The following PPP1R1C variants were observed in gnomAD, a reference collection of about 807,000 sequenced individuals.
PPP1R1C encodes the protein protein phosphatase 1 regulatory inhibitor subunit 1C.
PPP1R1C carries 15 observed loss-of-function variants against 17.4 expected under a neutral mutation model. The observed-to-expected ratio is 0.86, with a 90% CI of 0.58 to 1.33. The LOEUF is 1.33. Among genes scored for constraint, PPP1R1C ranks in the 40% most tolerant of loss-of-function variants. The probability of loss-of-function intolerance (pLI) is 0.00; values close to 1 mark genes in which losing one functional copy is unlikely to be tolerated. For synonymous variants in PPP1R1C, 35 were observed against 43.1 expected (o/e 0.81, Z 0.73); for missense variants, 143 against 130.0 (o/e 1.10, Z -0.48).
intron 4 of PPP1R1C, among the ~76,000 whole-genome samples, chr2:182,092,600 G>A (rs1430011491): frequency 7.9e-5 from 12 of 152,260 alleles, no homozygotes; most frequent in Non-Finnish European, 1.3e-4. Context: ...AAAATCAAAA[G>A]CAAATTATAT....
chr2:182,014,370 T>C (rs1273499326), intron 2 of PPP1R1C, among the ~76,000 whole-genome samples: 2 of 152,178 alleles, frequency 1.3e-5, no homozygotes, highest in African/African-American at 2.4e-5. Context: ...GCTCTTGTTA[T>C]CTTTCATTAC....
chr2:182,049,398 G>A (rs1310384770), intron 2 of PPP1R1C, among the ~76,000 whole-genome samples: 26 of 150,292 alleles, frequency 1.7e-4, no homozygotes, highest in South Asian at 1.5e-3. Flanking sequence ...GTTTTTCTCC[G>A]TTGCTACTTC....
intron 1 of PPP1R1C, among the ~76,000 whole-genome samples, chr2:181,965,464 T>C (rs953320561): frequency 3.9e-5 from 6 of 152,248 alleles, no homozygotes; most frequent in African/African-American, 9.6e-5. Context: ...CATTTTGATT[T>C]GATTTTTGTA....
rs1165789924 is a variant in PPP1R1C at position 182,076,197 on chromosome 2, C to CTTTTTTTTTTTTTTTTT, written c.241+12431_241+12447dup. Among the ~76,000 whole-genome samples the CTTTTTTTTTTTTTTTTT allele has an allele frequency of 1.6e-3, 42 of 25,862 alleles. 11 individuals are homozygous for CTTTTTTTTTTTTTTTTT. Among genetic ancestry groups the CTTTTTTTTTTTTTTTTT allele is most frequent in the East Asian group, 3.0e-3 (2 of 676 alleles). 17.0% of individuals were successfully genotyped at this position (25,862 alleles called of 152,430 possible). On this transcript the variant is annotated intron_variant, in intron 4 of 4. Coordinates refer to ENST00000682840, the MANE Select transcript of PPP1R1C (RefSeq NM_001080545.3). The stretch of plus-strand genomic sequence containing the variant: ...GATTTTGAACTTTTTTTTTTCTTTT[C>CTTTTTTTTTTTTTTTTT]TTTTTTTTTTTTTTTTTTTTTTTTT...
intron 2 of PPP1R1C, among the ~76,000 whole-genome samples, chr2:182,050,956 G>A (rs1687496357): frequency 1.3e-5 from 2 of 152,104 alleles, no homozygotes; most frequent in South Asian, 4.1e-4. Flanking sequence ...TTTAAAAAGA[G>A]AATCAAACAC....
chr2:182,071,293 G>A (rs1383281953), intron 4 of PPP1R1C, among the ~76,000 whole-genome samples: 4 of 152,058 alleles, frequency 2.6e-5, no homozygotes, highest in African/African-American at 9.7e-5. Context: ...GACCTTAAAC[G>A]TTTTGAGGAA....
intron 2 of PPP1R1C, among the ~76,000 whole-genome samples, chr2:181,978,860 G>T (rs183068966): frequency 2.4e-4 from 37 of 152,022 alleles, no homozygotes; most frequent in African/African-American, 7.7e-4. Context: ...TTCCATTTTT[G>T]CAAAAATAGA....
At position 181,985,954 on chromosome 2, in the gene PPP1R1C, C is replaced by T. The variant is rs145023264; in HGVS notation, c.-157C>T. On this transcript the variant is annotated 5_prime_UTR_variant, in exon 1 of 5. Transcript: ENST00000682840. The surrounding 1 kb of genome is among the most constrained non-coding windows in gnomAD (Gnocchi z 4.1). Reference sequence around the variant, plus strand: ...TGTTGAAGAAGGGGGTTACTCAAACCTCGGCATCTTCACTTGCTCGATCTG... The same window carrying T: ...TGTTGAAGAAGGGGGTTACTCAAACTTCGGCATCTTCACTTGCTCGATCTG... 187 of 647,332 alleles carry T rather than the reference C, an allele frequency of 2.9e-4. 1 individual carries two copies. The East Asian group carries it at 4.1e-3, about 14-fold the overall frequency. The allele number at this position is 647,332 out of a possible 1,614,324, so 40.1% of individuals were successfully genotyped here.
rs1292504487 is a variant in PPP1R1C, at chr2:181,961,902, A to C, written n.111+7268A>C. The C allele has an allele frequency of 5.3e-6, 4 of 758,342 alleles. No individual in the cohort carries two copies. The African/African-American group carries it at 6.8e-5, about 13-fold the overall frequency. 47.0% of individuals were successfully genotyped at this position (758,342 alleles called of 1,614,324 possible). A position where few individuals can be genotyped will look rare whatever the true frequency, so the allele number is the denominator to read the frequency against. On this transcript the variant is annotated intron_variant and non_coding_transcript_variant, in intron 1 of 5. Coordinates refer to the PPP1R1C transcript ENST00000464264. This position sits in a 1 kb window ranked among gnomAD's most constrained non-coding sequence, Gnocchi z 5.8. ...CTGTCTCCAGTGGCAGCCAAGTGAC[A>C]TTGGTCATCAGTGACCTTGTGGAGC...
intron 2 of PPP1R1C, among the ~76,000 whole-genome samples, chr2:182,055,089 T>A (rs934803469): frequency 2.0e-5 from 3 of 151,958 alleles, no homozygotes; most frequent in Non-Finnish European, 4.4e-5. Context: ...TTTTTTTTTA[T>A]CTTTGCCTAG....
intron 4 of PPP1R1C, among the ~76,000 whole-genome samples, chr2:182,096,140 C>T (rs1291282289): frequency 6.6e-6 from 1 of 152,080 alleles, no homozygotes; most frequent in East Asian, 1.9e-4. Context: ...TATTTTTATG[C>T]TGTCTGATGA....
intron 4 of PPP1R1C, among the ~76,000 whole-genome samples, chr2:182,076,000 G>C (rs965324865): frequency 5.3e-5 from 8 of 151,618 alleles, no homozygotes; most frequent in Admixed American, 1.3e-4. Context: ...TAGTTTAAAT[G>C]CTTTTTTTAG....
At chr2:181,980,075 A>G (rs1685166295) in intron 2 of PPP1R1C, among the ~76,000 whole-genome samples, 2 of 152,026 alleles carry the variant, frequency 1.3e-5, no homozygotes, top group Non-Finnish European at 2.9e-5. Flanking sequence ...TCTTCTCTCA[A>G]CTGTATGTTC....
intron 2 of PPP1R1C, among the ~76,000 whole-genome samples, chr2:182,008,449 A>G (rs546661122): frequency 3.3e-5 from 5 of 152,334 alleles, no homozygotes; most frequent in South Asian, 2.1e-4. Flanking sequence ...ATGTGGGTTT[A>G]TATCTCAGTT....
rs148677368 is a variant in PPP1R1C at position 182,082,455 on chromosome 2, C to T, written c.241+18664C>T. Among the ~76,000 whole-genome samples, 18 of 152,104 alleles carry T rather than the reference C, an allele frequency of 1.2e-4. 1 individual carries two copies. In the East Asian group the frequency reaches 3.3e-3, roughly 28 times the overall value. ...GCATAAAATCAAGGGTGGAAAGTTA[C>T]CCTGAAGGTCAAACGGACAAGGTTT... On this transcript the variant is annotated intron_variant, in intron 4 of 4. Coordinates refer to ENST00000682840, the MANE Select transcript of PPP1R1C (RefSeq NM_001080545.3).
At chr2:182,080,166 T>C (rs1273300276) in intron 4 of PPP1R1C, among the ~76,000 whole-genome samples, 1 of 152,222 alleles carries the variant, frequency 6.6e-6, no homozygotes, top group African/African-American at 2.4e-5. Flanking sequence ...TAAAATGCCA[T>C]GCATAGTTCA....
At chr2:182,016,228 T>C (rs1344539911) in intron 2 of PPP1R1C, among the ~76,000 whole-genome samples, 1 of 152,180 alleles carries the variant, frequency 6.6e-6, no homozygotes, top group Non-Finnish European at 1.5e-5. Context: ...CTCCCCACCA[T>C]GTGGTCACTG....
chr2:181,968,953 AAAAC>A (rs1464107398), intron 1 of PPP1R1C, among the ~76,000 whole-genome samples: 5 of 152,182 alleles, frequency 3.3e-5, no homozygotes, highest in African/African-American at 9.6e-5. Context: ...AATGATTACA[AAAAC>A]AAACAAGCAA....
intron 2 of PPP1R1C, among the ~76,000 whole-genome samples, chr2:182,027,836 G>T (rs1247615480): frequency 2.1e-5 from 3 of 142,500 alleles, no homozygotes; most frequent in African/African-American, 7.8e-5. Flanking sequence ...GAATCCATCT[G>T]GTCCTGGACT....
Sources: gnomAD v4.1 joint callset for allele counts (sites outside exome capture counted in the v4.1 genomes callset) on GRCh38, gnomAD v4.1.1 for gene constraint, Gnocchi (gnomAD v3.1) non-coding constraint, MANE v1.5 for transcripts, NCBI Gene and HGNC (gene_info 2026-07-23, HGNC 2026-07-21) for gene names.